The following NTM variants were observed in gnomAD, a reference collection of about 807,000 sequenced individuals.
NTM encodes the protein IgLON family member 2.
A neutral mutation model predicts 42.1 loss-of-function variants in NTM; 13 were observed. That is an observed-to-expected ratio of 0.31 (90% confidence interval 0.20 to 0.49). The LOEUF (loss-of-function observed/expected upper bound fraction) is 0.49, where lower values mean the gene tolerates loss of function less well. Among genes scored for constraint, NTM ranks in the 20% least tolerant of loss-of-function variants. The pLI, the probability that NTM is intolerant of heterozygous loss-of-function variation, is 0.99. For missense variants in NTM, 373 were observed against 452.8 expected (o/e 0.82, Z 1.60); for synonymous variants, 187 against 179.2 (o/e 1.04, Z -0.35).
intron 2 of NTM, among the ~76,000 whole-genome samples, chr11:132,026,800 G>A (rs1045557385): frequency 1.3e-5 from 2 of 152,150 alleles, no homozygotes; most frequent in African/African-American, 2.4e-5. Context: ...AGAAGGGAAC[G>A]GTATTGAGGA....
intron 1 of NTM, among the ~76,000 whole-genome samples, chr11:131,424,462 C>T (rs1300880859): frequency 2.0e-5 from 3 of 152,020 alleles, no homozygotes; most frequent in Non-Finnish European, 4.4e-5. Flanking sequence ...GAGTTATGCA[C>T]CTTCCTCAAG....
chr11:132,287,663 A>G (rs931723970), intron 4 of NTM, among the ~76,000 whole-genome samples: 1 of 152,252 alleles, frequency 6.6e-6, no homozygotes, highest in African/African-American at 2.4e-5. Context: ...ATGTTTCCCA[A>G]TATAAAACAT....
At chr11:132,012,648 T>A (rs2072469344) in intron 2 of NTM, among the ~76,000 whole-genome samples, 1 of 152,194 alleles carries the variant, frequency 6.6e-6, no homozygotes, top group South Asian at 2.1e-4. Flanking sequence ...GAATTTTGAG[T>A]TATTTCTTAA....
chr11:132,242,700 T>C (rs2090430062), intron 4 of NTM, among the ~76,000 whole-genome samples: 1 of 152,170 alleles, frequency 6.6e-6, no homozygotes, highest in African/African-American at 2.4e-5. Flanking sequence ...CTCCACAAAT[T>C]AAAACCTTTT....
chr11:132,179,086 G>T (rs181086108), intron 3 of NTM, among the ~76,000 whole-genome samples: 2 of 152,230 alleles, frequency 1.3e-5, no homozygotes, highest in East Asian at 1.9e-4. Context: ...AGATAAAAGA[G>T]AATTGCTCTT....
At chr11:131,890,825 A>G (rs1432671999) in intron 1 of NTM, among the ~76,000 whole-genome samples, 2 of 152,046 alleles carry the variant, frequency 1.3e-5, no homozygotes, top group Non-Finnish European at 2.9e-5. Flanking sequence ...AGGATCCCCT[A>G]CTCATTGTCT....
chr11:132,114,736 C>A (rs909238673), intron 2 of NTM, among the ~76,000 whole-genome samples: 1 of 152,084 alleles, frequency 6.6e-6, no homozygotes, highest in African/African-American at 2.4e-5. Flanking sequence ...GATGAGGAAA[C>A]CTAAATTGGG....
chr11:132,234,183 G>T (rs1385165644), intron 4 of NTM, among the ~76,000 whole-genome samples: 1 of 152,214 alleles, frequency 6.6e-6, no homozygotes, highest in Non-Finnish European at 1.5e-5. Flanking sequence ...CTGGTCTGCA[G>T]TTGGTTCTGG....
intron 1 of NTM, among the ~76,000 whole-genome samples, chr11:131,788,618 G>T (rs150018808): frequency 1.4e-3 from 220 of 152,146 alleles, no homozygotes; most frequent in African/African-American, 5.0e-3. Context: ...TCCTCACCAA[G>T]ACTGACTTTC....
chr11:132,154,776 A>G (rs1171470207), intron 3 of NTM, among the ~76,000 whole-genome samples: 5 of 152,212 alleles, frequency 3.3e-5, no homozygotes, highest in African/African-American at 1.2e-4. Context: ...ATGTTAAGAC[A>G]TGTTCCTGTT....
chr11:132,103,508 A>C (rs1479743106), intron 2 of NTM, among the ~76,000 whole-genome samples: 1 of 152,200 alleles, frequency 6.6e-6, no homozygotes, highest in African/African-American at 2.4e-5. Context: ...TTAATGTATT[A>C]TTTAGTGCAA....
intron 1 of NTM, among the ~76,000 whole-genome samples, chr11:131,489,544 A>G (rs1326824294): frequency 6.6e-6 from 1 of 152,202 alleles, no homozygotes; most frequent in African/African-American, 2.4e-5. Context: ...TCTAGGAAAC[A>G]TTGCCTTGAA....
intron 1 of NTM, among the ~76,000 whole-genome samples, chr11:131,410,650 G>A (rs968265092): frequency 2.0e-5 from 3 of 150,706 alleles, no homozygotes; most frequent in East Asian, 1.9e-4. Flanking sequence ...TAATTATGTC[G>A]CCTTAACGGA....
chr11:131,777,004 A>G, intron 1 of NTM: 1 of 309,404 alleles, frequency 3.2e-6, no homozygotes, highest in Non-Finnish European at 4.7e-6. Flanking sequence ...CATCAACAAC[A>G]GTGCATATAC....
intron 1 of NTM, among the ~76,000 whole-genome samples, chr11:131,607,667 C>T (rs2061091121): frequency 6.6e-6 from 1 of 152,122 alleles, no homozygotes; most frequent in Non-Finnish European, 1.5e-5. Flanking sequence ...AACCCTCCAA[C>T]ACTCATGCTT....
intron 1 of NTM, among the ~76,000 whole-genome samples, chr11:131,867,687 T>A (rs535160941): frequency 4.6e-5 from 7 of 152,204 alleles, no homozygotes; most frequent in Non-Finnish European, 8.8e-5. Context: ...CATATGTATG[T>A]CTGTGTGTCT....
intron 4 of NTM, among the ~76,000 whole-genome samples, chr11:132,220,992 C>A (rs900522323): frequency 6.6e-6 from 1 of 152,176 alleles, no homozygotes; most frequent in Non-Finnish European, 1.5e-5. Flanking sequence ...AACCAGGGTA[C>A]CTCCTCGAGT....
At chr11:132,159,550 G>C (rs1440524902) in intron 3 of NTM, among the ~76,000 whole-genome samples, 1 of 152,132 alleles carries the variant, frequency 6.6e-6, no homozygotes, top group African/African-American at 2.4e-5. Context: ...AAATAAGATA[G>C]GATAAGACAG....
intron 1 of NTM, among the ~76,000 whole-genome samples, chr11:131,437,887 T>C (rs900556585): frequency 6.6e-6 from 1 of 152,242 alleles, no homozygotes; most frequent in African/African-American, 2.4e-5. Flanking sequence ...TTGATGGTCT[T>C]TACAATCTGG....
Sources: gnomAD v4.1 joint callset for allele counts (sites outside exome capture counted in the v4.1 genomes callset) on GRCh38, gnomAD v4.1.1 for gene constraint, MANE v1.5 for transcripts, NCBI Gene and HGNC (gene_info 2026-07-23, HGNC 2026-07-21) for gene names.